Variants in NEDD4L observed in about 807,000 individuals in gnomAD.
NEDD4L encodes the protein NEDD4 like E3 ubiquitin protein ligase.
A neutral mutation model predicts 148.9 loss-of-function variants in NEDD4L; 54 were observed. That is an observed-to-expected ratio of 0.36 (90% CI 0.29 to 0.45). The LOEUF (loss-of-function observed/expected upper bound fraction) is 0.45. NEDD4L is among the 20% of genes least tolerant of loss of function. The probability of loss-of-function intolerance (pLI) is 1.00; values close to 1 mark genes in which losing one functional copy is unlikely to be tolerated. For synonymous variants in NEDD4L, 433 were observed against 440.7 expected (o/e 0.98, Z 0.22); for missense variants, 856 against 1,233.8 (o/e 0.69, Z 4.59).
intron 5 of NEDD4L, among the ~76,000 whole-genome samples, chr18:58,306,908 A>C (rs1389361161): frequency 6.6e-6 from 1 of 152,226 alleles, no homozygotes; most frequent in East Asian, 1.9e-4. Context: ...TGCTGGGATT[A>C]CAGGCGTGAG....
rs368303966 is a variant in NEDD4L at position 58,149,452 on chromosome 18, C to T, written c.49-16336C>T. On this transcript the variant is annotated intron_variant, in intron 1 of 30. Coordinates refer to ENST00000400345, the MANE Select transcript of NEDD4L (RefSeq NM_001144967.3). ...TACCCTTGGCTGCAGCCACGACTTC[C>T]GCATACTCTTCAGAACTTGCTCTGC... The T allele has an allele frequency of 3.4e-4, 522 of 1,541,532 alleles. 1 individual carries two copies. In the African/African-American group the frequency reaches 5.4e-3, roughly 16 times the overall value.
chr18:58,315,748 A>T (rs1307788402), intron 5 of NEDD4L, among the ~76,000 whole-genome samples: 1 of 152,118 alleles, frequency 6.6e-6, no homozygotes, highest in African/African-American at 2.4e-5. Context: ...AGAGGCTTCC[A>T]TAGCATTGTG....
At chr18:58,321,538 TATGAGAGGAGTAGGAACCC>T (rs2058773489) in intron 6 of NEDD4L, among the ~76,000 whole-genome samples, 1 of 152,200 alleles carries the variant, frequency 6.6e-6, no homozygotes, top group Admixed American at 6.5e-5. Context: ...TTCAGTTTAT[TATGAGAGGAGTAGGAACCC>T]ATTGAGAGTT....
chr18:58,114,347 A>AAT lies in NEDD4L; in HGVS notation c.49-51427_49-51426dup, dbSNP rs919315311. Among the ~76,000 whole-genome samples the AAT allele has an allele frequency of 3.5e-3, 505 of 144,744 alleles. 4 individuals are homozygous for AAT. The highest frequency in any genetic ancestry group is 0.011 in the African/African-American group (418 of 38,034). 95.0% of individuals were successfully genotyped at this position (144,744 alleles called of 152,430 possible). On this transcript the variant is annotated intron_variant, in intron 1 of 30. Transcript: ENST00000400345. ...GGAATCCATTGGGAGATTTAAAAAA[A>AAT]ATATATATATATATACACACACACA...
At chr18:58,245,340 T>C in intron 2 of NEDD4L, 87 bp from the exon 3 acceptor site, 1 of 665,268 alleles carries the variant, frequency 1.5e-6, no homozygotes. Flanking sequence ...AGACTTTAAC[T>C]GATATTTGTA....
intron 1 of NEDD4L, among the ~76,000 whole-genome samples, chr18:58,053,530 C>T (rs1021495037): frequency 6.6e-5 from 10 of 152,100 alleles, no homozygotes; most frequent in South Asian, 2.1e-4. Flanking sequence ...AGGATGGTCT[C>T]GAACTCCTGA....
intron 5 of NEDD4L, among the ~76,000 whole-genome samples, chr18:58,301,873 C>CT (rs1176692606): frequency 2.0e-5 from 3 of 152,206 alleles, no homozygotes; most frequent in Admixed American, 6.5e-5. Context: ...TGAGTTACCA[C>CT]TGGTGCCATG....
chr18:58,394,834 G>A (rs1040316396), intron 30 of NEDD4L, among the ~76,000 whole-genome samples: 1 of 152,234 alleles, frequency 6.6e-6, no homozygotes, highest in African/African-American at 2.4e-5. Context: ...AAGCGAGCAC[G>A]TGAATGGTTA....
chr18:58,201,494 C>T (rs111961330), intron 2 of NEDD4L, among the ~76,000 whole-genome samples: 2,741 of 152,272 alleles, frequency 0.018, 82 homozygotes, highest in African/African-American at 0.062. Context: ...CTACTGAAGG[C>T]AGTTAAATAT....
intron 2 of NEDD4L, among the ~76,000 whole-genome samples, chr18:58,181,693 G>A (rs970863809): frequency 1.3e-5 from 2 of 152,128 alleles, no homozygotes; most frequent in African/African-American, 4.8e-5. Flanking sequence ...TCCTGTCGTG[G>A]CCTAAGAAAG....
At chr18:58,212,089 G>T (rs1347106817) in intron 2 of NEDD4L, among the ~76,000 whole-genome samples, 1 of 152,198 alleles carries the variant, frequency 6.6e-6, no homozygotes, top group Admixed American at 6.5e-5. Flanking sequence ...AATTTGATAC[G>T]CACAAGCTAT....
At chr18:58,054,304 C>A (rs181457822) in intron 1 of NEDD4L, among the ~76,000 whole-genome samples, 1 of 152,220 alleles carries the variant, frequency 6.6e-6, no homozygotes, top group Non-Finnish European at 1.5e-5. Flanking sequence ...TGTGGAGAAT[C>A]TTCTGCTTTC....
At chr18:58,255,879 G>A in intron 5 of NEDD4L, 1 of 1,232,226 alleles carries the variant, frequency 8.1e-7, no homozygotes, top group African/African-American at 1.5e-5. Flanking sequence ...CTCTTGACCA[G>A]CATCGACGCC....
chr18:58,174,778 T>C (rs1354443850), intron 2 of NEDD4L, among the ~76,000 whole-genome samples: 1 of 152,028 alleles, frequency 6.6e-6, no homozygotes, highest in Non-Finnish European at 1.5e-5. Flanking sequence ...CTATCAAAAA[T>C]TAACATTTTT....
intron 5 of NEDD4L, among the ~76,000 whole-genome samples, chr18:58,257,419 A>G (rs2148599717): frequency 6.6e-6 from 1 of 152,164 alleles, no homozygotes. Flanking sequence ...CCCACAAGTG[A>G]CACTGCTAAG....
chr18:58,341,955 TTC>T (rs1028843459), intron 15 of NEDD4L, among the ~76,000 whole-genome samples, 158 bp downstream of exon 15: 1 of 152,348 alleles, frequency 6.6e-6, no homozygotes, highest in Non-Finnish European at 1.5e-5. Flanking sequence ...TTCTACCTGC[TTC>T]TCTGTCTCGC....
At chr18:58,295,652 T>G (rs1447850525) in intron 5 of NEDD4L, among the ~76,000 whole-genome samples, 1 of 152,162 alleles carries the variant, frequency 6.6e-6, no homozygotes, top group Non-Finnish European at 1.5e-5. Flanking sequence ...AAGCACAGTT[T>G]TCTGAGCTGG....
At position 58,256,244 on chromosome 18, in the gene NEDD4L, C is replaced by G; in HGVS notation, c.297+4190C>G. On this transcript the variant is annotated intron_variant, in intron 5 of 30. Coordinates refer to ENST00000400345, the MANE Select transcript of NEDD4L (RefSeq NM_001144967.3). This position sits in a 1 kb window ranked among gnomAD's most constrained non-coding sequence, Gnocchi z 5.2. ...GCACCGCGCCTCCAGCGCCGACGTGCGCCAGGTGAGGCTGCTGCCCCTGGG... is the reference window on the plus strand; with the variant it reads ...GCACCGCGCCTCCAGCGCCGACGTGGGCCAGGTGAGGCTGCTGCCCCTGGG... The G allele has an allele frequency of 1.6e-6, 2 of 1,230,060 alleles. No homozygotes were observed. The highest frequency in any genetic ancestry group is 2.0e-6 in the Non-Finnish European group (2 of 986,892). The allele number at this position is 1,230,060 out of a possible 1,614,324, so 76.2% of individuals were successfully genotyped here.
chr18:58,157,168 A>G (rs2035602587), intron 1 of NEDD4L, among the ~76,000 whole-genome samples: 1 of 150,458 alleles, frequency 6.6e-6, no homozygotes, highest in African/African-American at 2.5e-5. Context: ...AGCCGGGGCA[A>G]CAGCTAGACC....
Sources: gnomAD v4.1 joint callset for allele counts (sites outside exome capture counted in the v4.1 genomes callset) on GRCh38, gnomAD v4.1.1 for gene constraint, Gnocchi (gnomAD v3.1) non-coding constraint, MANE v1.5 for transcripts, NCBI Gene and HGNC (gene_info 2026-07-23, HGNC 2026-07-21) for gene names.